HORMAD1: variants seen among roughly 807,000 people sequenced by gnomAD.
HORMAD1 encodes HORMA domain containing 1, also known as HORMA domain-containing protein 1.
In HORMAD1, 33 loss-of-function variants were observed where a neutral mutation model predicts 58.2. The observed-to-expected ratio is 0.57, with a 90% CI of 0.43 to 0.76. HORMAD1 has a LOEUF of 0.76. Ranked by LOEUF, HORMAD1 falls within the 30% of genes least tolerant of loss-of-function variation. The pLI, the probability that HORMAD1 is intolerant of heterozygous loss-of-function variation, is 0.00. For synonymous variants in HORMAD1, 137 were observed against 144.6 expected, an observed-to-expected ratio of 0.95 and a Z score of 0.38; for missense variants, 363 against 462.0, an observed-to-expected ratio of 0.79 and a Z score of 1.96.
intron 3 of HORMAD1, among the ~76,000 whole-genome samples, chr1:150,715,021 G>A (rs1174376907): frequency 2.8e-4 from 43 of 152,160 alleles, no homozygotes; most frequent in Non-Finnish European, 1.9e-4. Context: ...CTGACCTCAG[G>A]TGACCCGCCT....
At chr1:150,720,383 A>T (rs1652214578) in intron 1 of HORMAD1, among the ~76,000 whole-genome samples, 1 of 151,738 alleles carries the variant, frequency 6.6e-6, no homozygotes, top group South Asian at 2.1e-4. Flanking sequence ...TTCTATTTTT[A>T]GTGGAGACGG....
intron 3 of HORMAD1, among the ~76,000 whole-genome samples, chr1:150,715,313 T>C (rs889385958): frequency 1.3e-5 from 2 of 152,066 alleles, no homozygotes; most frequent in African/African-American, 4.8e-5. Context: ...CCCAGTAAAA[T>C]ACTTGTAAAG....
chr1:150,720,234 G>A (rs1229604999), intron 1 of HORMAD1, among the ~76,000 whole-genome samples: 1 of 152,146 alleles, frequency 6.6e-6, no homozygotes, highest in Non-Finnish European at 1.5e-5. Flanking sequence ...ACCACGCCCA[G>A]CTAATTTTTG....
At position 150,711,541 on chromosome 1, in the gene HORMAD1, T is replaced by A. The variant is rs756399813; in HGVS notation, c.327+4A>T. Reference sequence around the variant, plus strand: ...TGTTTCTTTAGTAACTCAAGCACACTTACCTGAGGATCTTCTGGGTTTGTG... The same window carrying A: ...TGTTTCTTTAGTAACTCAAGCACACATACCTGAGGATCTTCTGGGTTTGTG... On this transcript the variant is annotated splice_donor_region_variant and intron_variant, in intron 7 of 14. Coordinates refer to ENST00000361824, the MANE Select transcript of HORMAD1 (RefSeq NM_032132.5). 3.1e-6 allele frequency: 5 copies of A among 1,595,850 alleles called. No homozygotes were observed. The South Asian group carries it at 4.4e-5, about 14-fold the overall frequency.
intron 10 of HORMAD1, among the ~76,000 whole-genome samples, chr1:150,706,027 C>T (rs919363742): frequency 3.9e-5 from 6 of 152,138 alleles, no homozygotes; most frequent in East Asian, 1.9e-4. Flanking sequence ...ATACTTAGGA[C>T]GCACTAACTA....
At chr1:150,701,190 A>G (rs2101840155) in intron 13 of HORMAD1, among the ~76,000 whole-genome samples, 1 of 152,342 alleles carries the variant, frequency 6.6e-6, no homozygotes, top group East Asian at 1.9e-4. Context: ...TTAATGTTAC[A>G]TTACAAGGAG....
intron 14 of HORMAD1, 182 bp from the exon 15 acceptor site, chr1:150,698,916 TG>T (rs1651451554): frequency 2.2e-6 from 1 of 454,066 alleles, no homozygotes; most frequent in African/African-American, 2.0e-5. Flanking sequence ...CATCTTCCAA[TG>T]GCTGCTGAAA....
intron 2 of HORMAD1, 38 bp downstream of exon 2, chr1:150,719,435 G>C (rs370841521): frequency 7.7e-7 from 1 of 1,302,914 alleles, no homozygotes; most frequent in Non-Finnish European, 1.1e-6. Flanking sequence ...AATAAAAGCA[G>C]CTATTATTAA....
intron 14 of HORMAD1, among the ~76,000 whole-genome samples, chr1:150,699,690 A>ATT (rs765754825): frequency 1.0e-4 from 11 of 105,406 alleles, no homozygotes; most frequent in African/African-American, 3.3e-4. Flanking sequence ...ACGCCCAGCT[A>ATT]TTTTTTTTTT....
At chr1:150,707,738 C>T (rs1355906135) in intron 9 of HORMAD1, among the ~76,000 whole-genome samples, 2 of 152,184 alleles carry the variant, frequency 1.3e-5, no homozygotes, top group Non-Finnish European at 2.9e-5. Context: ...GAGTTCAAGA[C>T]TAGCCTGGCC....
intron 8 of HORMAD1, 80 bp downstream of exon 8, chr1:150,708,814 G>A (rs1375284332): frequency 1.3e-6 from 1 of 748,662 alleles, no homozygotes; most frequent in Non-Finnish European, 2.3e-6. Flanking sequence ...GTTTCAGAAT[G>A]AATCCTGAGG....
intron 13 of HORMAD1, 47 bp from the exon 14 acceptor site, chr1:150,700,230 A>G: frequency 1.0e-6 from 1 of 981,582 alleles, no homozygotes; most frequent in African/African-American, 1.6e-5. Context: ...CTCAAAGAAC[A>G]GCCAACACTT....
intron 14 of HORMAD1, 120 bp from the exon 15 acceptor site, chr1:150,698,854 CT>C: frequency 1.8e-6 from 1 of 562,828 alleles, no homozygotes. Flanking sequence ...CCTAGCATAC[CT>C]AGCATAACTA....
intron 3 of HORMAD1, 34 bp from the exon 4 acceptor site, chr1:150,714,712 T>C (rs1243339318): frequency 2.8e-6 from 3 of 1,065,878 alleles, no homozygotes; most frequent in Middle Eastern, 5.0e-4. Context: ...TAGAGTTACT[T>C]AAGAAAAGTA....
rs1651780247 is a variant in HORMAD1, at chr1:150,709,063, T to C, written c.328-102A>G. 1.5e-5 allele frequency: 10 copies of C among 682,646 alleles called. No homozygotes were observed. The South Asian group carries it at 1.5e-4, about 10-fold the overall frequency. The allele number at this position is 682,646 out of a possible 1,614,324, so 42.3% of individuals were successfully genotyped here. ...ACTCAACATTTAGTCAATACTTTTT[T>C]CTGCCATATTAATCCCTATTGATCC... is the stretch of plus-strand genomic sequence containing the variant. On this transcript the variant is annotated intron_variant, in intron 7 of 14. Transcript: ENST00000361824.
intron 10 of HORMAD1, among the ~76,000 whole-genome samples, chr1:150,706,047 G>C (rs1471783962): frequency 1.3e-5 from 2 of 152,172 alleles, no homozygotes; most frequent in African/African-American, 4.8e-5. Context: ...AGAAATCCAA[G>C]TGCTAGGCAC....
Position 150,700,256 on chromosome 1 carries a change from T to G in HORMAD1, c.1033-73A>C. 3.8e-6 allele frequency: 3 copies of G among 779,432 alleles called. No homozygotes were observed. In the Admixed American group the frequency reaches 5.8e-5, roughly 15 times the overall value. 48.3% of individuals were successfully genotyped at this position (779,432 alleles called of 1,614,324 possible). A position where few individuals can be genotyped will look rare whatever the true frequency, so the allele number is the denominator to read the frequency against. On this transcript the variant is annotated intron_variant, in intron 13 of 14. Transcript: ENST00000361824. ...GCCAACACTTGATTTTTCAATCTTA[T>G]GCAACGATATGCAATATTTATTTAT...
chr1:150,706,438 G>A (rs1281031270), intron 10 of HORMAD1, 115 bp downstream of exon 10: 7 of 957,976 alleles, frequency 7.3e-6, no homozygotes, highest in Non-Finnish European at 9.3e-6. Flanking sequence ...TCAACCTTGA[G>A]TTTATGATTA....
At chr1:150,701,068 CT>C (rs971628826) in intron 13 of HORMAD1, among the ~76,000 whole-genome samples, 25 of 152,160 alleles carry the variant, frequency 1.6e-4, no homozygotes, top group Non-Finnish European at 3.4e-4. Context: ...ATTTCTTGCC[CT>C]TTTCTAACCA....
Sources: allele counts gnomAD v4.1 joint callset (sites outside exome capture counted in the v4.1 genomes callset), GRCh38; gene constraint gnomAD v4.1.1; transcripts MANE v1.5; gene names NCBI Gene and HGNC (gene_info 2026-07-23, HGNC 2026-07-21).